PCLO: variants seen among roughly 807,000 people sequenced by gnomAD.
The protein encoded by PCLO is piccolo presynaptic cytomatrix protein, also known as protein piccolo.
Under a neutral mutation model 427.5 loss-of-function variants are expected in PCLO, and 82 were observed. That is an observed-to-expected ratio of 0.19 (90% CI 0.16 to 0.23). The LOEUF is 0.23. Ranked by LOEUF, PCLO falls within the 10% of genes least tolerant of loss-of-function variation. The pLI is 1.00. For synonymous variants in PCLO, 2,357 were observed against 2,155.4 expected (o/e 1.09, Z -2.59); for missense variants, 6,239 against 6,115.9 (o/e 1.02, Z -0.67).
intron 3 of PCLO, among the ~76,000 whole-genome samples, chr7:83,078,074 G>C (rs191836403): frequency 6.6e-6 from 1 of 152,224 alleles, no homozygotes; most frequent in East Asian, 1.9e-4. Context: ...CCTGCCTTCT[G>C]TGCTCTTGAG....
chr7:82,804,232 A>G (rs1473234998), intron 21 of PCLO, among the ~76,000 whole-genome samples: 1 of 152,146 alleles, frequency 6.6e-6, no homozygotes, highest in South Asian at 2.1e-4. Flanking sequence ...TTTCCAATAA[A>G]ATATAACTGA....
At chr7:83,109,006 G>C (rs1419852915) in intron 3 of PCLO, among the ~76,000 whole-genome samples, 1 of 114,912 alleles carries the variant, frequency 8.7e-6, no homozygotes, top group Non-Finnish European at 1.8e-5. Context: ...CTAATACTTG[G>C]AAAGTTTGGA....
At chr7:82,873,809 G>A (rs891674529) in intron 10 of PCLO, among the ~76,000 whole-genome samples, 1 of 138,042 alleles carries the variant, frequency 7.2e-6, no homozygotes, top group African/African-American at 2.6e-5. Context: ...TGGTCCTGTA[G>A]TTCTAGATTG....
intron 16 of PCLO, among the ~76,000 whole-genome samples, chr7:82,828,346 ATACG>A (rs934846878): frequency 2.6e-5 from 4 of 152,158 alleles, no homozygotes; most frequent in African/African-American, 7.2e-5. Flanking sequence ...AGTTTTGTAC[ATACG>A]GAAAAGCAAA....
At chr7:83,007,459 A>G (rs1215911014) in intron 3 of PCLO, among the ~76,000 whole-genome samples, 1 of 151,498 alleles carries the variant, frequency 6.6e-6, no homozygotes, top group Non-Finnish European at 1.5e-5. Flanking sequence ...AATGGAAAGT[A>G]CTATATATTT....
intron 3 of PCLO, among the ~76,000 whole-genome samples, chr7:83,043,251 G>A (rs1789016005): frequency 6.6e-6 from 1 of 152,056 alleles, no homozygotes; most frequent in Admixed American, 6.6e-5. Flanking sequence ...CCTTAAGATA[G>A]CAATAGAGGT....
intron 6 of PCLO, among the ~76,000 whole-genome samples, chr7:82,937,163 C>A (rs1794974540): frequency 6.6e-6 from 1 of 151,592 alleles, no homozygotes; most frequent in Non-Finnish European, 1.5e-5. Context: ...GTGAATTTCG[C>A]CTCAATTAAA....
In PCLO at chr7:82,985,504, T is replaced by C. The variant is rs535489402; in HGVS notation, c.3301-19017A>G. Among the ~76,000 whole-genome samples the C allele has an allele frequency of 1.5e-4, 23 of 152,136 alleles. No homozygotes were observed. The South Asian group carries it at 4.4e-3, about 29-fold the overall frequency. On this transcript the variant is annotated intron_variant, in intron 3 of 24. Transcript: ENST00000333891. ...GTTAGCACTGATATTTTTTATATTA[T>C]CTTGTGGATGCTGATTAGCTCAACA...
chr7:82,966,155 T>A lies in PCLO; in HGVS notation c.3633A>T (p.Lys1211Asn), dbSNP rs369401562. Reference protein sequence around the residue: ...EKDKASALQEKKPLPEEKKLI... With the variant: ...EKDKASALQENKPLPEEKKLI... ...GTTTTTTTTCTTCAGGGAGTGGCTT[T>A]TTTTCTTGAAGAGCTGAAGCTTTGT... is the stretch of plus-strand genomic sequence containing the variant. The change falls in exon 4 of 25, where the codon AAA becomes AAT. Residue 1211 changes from lysine to asparagine, a missense_variant. Transcript: ENST00000333891. 7 of 1,609,034 alleles carry A rather than the reference T, an allele frequency of 4.4e-6. No individual in the cohort carries two copies. The highest frequency in any genetic ancestry group is 4.5e-5 in the East Asian group (2 of 44,842).
intron 3 of PCLO, among the ~76,000 whole-genome samples, chr7:83,020,062 T>C (rs1788304080): frequency 6.6e-6 from 1 of 152,122 alleles, no homozygotes; most frequent in South Asian, 2.1e-4. Context: ...GAATTCAAAC[T>C]TTTTATTAGA....
chr7:82,986,754 A>C (rs945376791), intron 3 of PCLO, among the ~76,000 whole-genome samples: 2 of 151,960 alleles, frequency 1.3e-5, no homozygotes, highest in African/African-American at 4.8e-5. Flanking sequence ...ATAATTTTCA[A>C]ATTCAAAATG....
chr7:82,830,625 A>C (rs1792070981), intron 16 of PCLO, among the ~76,000 whole-genome samples: 1 of 152,108 alleles, frequency 6.6e-6, no homozygotes. Flanking sequence ...CAAGGTGGTG[A>C]GGTTATGGAA....
chr7:82,916,083 A>G lies in PCLO; in HGVS notation c.11903T>C (p.Leu3968Ser), dbSNP rs1777835918. 6.2e-7 allele frequency: 1 copy of G among 1,613,384 alleles called. No individual in the cohort carries two copies. ...TGAGGTTATCTTGGGCTCCAAATAT[A>G]ATGTAGTTTGCCGTGGCTTCTGTTG... ...VIQQKPRQTT[L>S]YLEPKITSNY... The change falls in exon 7 of 25, where the codon TTA becomes TCA. Residue 3968 changes from leucine to serine, a missense_variant. Around this residue, in one of 5 missense-constraint regions of PCLO, gnomAD observed 680 missense variants for 677.3 expected, o/e 1.00. Transcript: ENST00000333891.
intron 18 of PCLO, 34 bp from the exon 19 acceptor site, chr7:82,824,450 G>C (rs1791883485): frequency 7.3e-7 from 1 of 1,370,972 alleles, no homozygotes; most frequent in African/African-American, 1.4e-5. Flanking sequence ...ATGAAATTTA[G>C]GGACTAAAGT....
chr7:82,900,937 A>G (rs2116183450), intron 9 of PCLO, among the ~76,000 whole-genome samples: 1 of 151,946 alleles, frequency 6.6e-6, no homozygotes, highest in South Asian at 2.1e-4. Flanking sequence ...TTATAAAAGA[A>G]CACAAACAAA....
intron 6 of PCLO, 99 bp downstream of exon 6, chr7:82,949,377 G>A (rs1000082482): frequency 2.3e-6 from 2 of 851,722 alleles, no homozygotes; most frequent in Non-Finnish European, 3.7e-6. Flanking sequence ...CTAGTATTAG[G>A]TTTCTAAGGT....
rs544654549 is a variant in PCLO, at chr7:82,811,233, T to TTCAGTTTCTAAA, written c.14792-5405_14792-5404insTTTAGAAACTGA. On this transcript the variant is annotated intron_variant, in intron 20 of 24. Coordinates refer to ENST00000333891, the MANE Select transcript of PCLO (RefSeq NM_033026.6). ...TACTTAATGATGGAACGGAAATAAC[T>TTCAGTTTCTAAA]ACCTAGCAGTTTTAGAAATCAAGTA... Among the ~76,000 whole-genome samples the TTCAGTTTCTAAA allele has an allele frequency of 5.3e-3, 811 of 151,762 alleles. 13 individuals carry two copies. Among genetic ancestry groups the TTCAGTTTCTAAA allele is most frequent in the Non-Finnish European group, 5.2e-3 (355 of 67,660 alleles).
At chr7:82,792,324 T>G (rs986457941) in intron 22 of PCLO, among the ~76,000 whole-genome samples, 2 of 152,014 alleles carry the variant, frequency 1.3e-5, no homozygotes, top group Non-Finnish European at 2.9e-5. Flanking sequence ...GGTTGAATAA[T>G]TTTATGGCTC....
At chr7:82,833,474 C>T (rs1000606234) in intron 16 of PCLO, among the ~76,000 whole-genome samples, 3 of 151,852 alleles carry the variant, frequency 2.0e-5, no homozygotes, top group Non-Finnish European at 4.4e-5. Context: ...GACATTTTGC[C>T]CCTCAAAGTT....
Sources: allele counts gnomAD v4.1 joint callset (sites outside exome capture counted in the v4.1 genomes callset), GRCh38; gene constraint gnomAD v4.1.1; regional missense constraint gnomAD v4.1.1; transcripts MANE v1.5; gene names NCBI Gene and HGNC (gene_info 2026-07-23, HGNC 2026-07-21).